Variants in SHROOM4 observed in about 807,000 individuals in gnomAD.
SHROOM4 encodes the protein protein Shroom4.
A neutral mutation model predicts 80.3 loss-of-function variants in SHROOM4; 17 were observed. The ratio of observed to expected loss-of-function variants is 0.21; its 90% CI spans 0.14 to 0.32. The LOEUF is 0.32. Ranked by LOEUF, SHROOM4 falls within the 10% of genes least tolerant of loss-of-function variation. SHROOM4 has a pLI of 1.00. For synonymous variants in SHROOM4, 400 were observed against 437.5 expected (o/e 0.91, Z 1.07); for missense variants, 993 against 1,140.3 (o/e 0.87, Z 1.86).
rs143252288 is a variant in SHROOM4, at chrX:50,603,902, C to T, written c.3762-1089G>A. ...CCGTGGTTTATGCTAGGGGGTGGCC[C>T]GCCCTCACTATATTCTCATTGCCTG... On this transcript the variant is annotated intron_variant, in intron 6 of 8. Coordinates refer to ENST00000376020, the MANE Select transcript of SHROOM4 (RefSeq NM_020717.5). Among the ~76,000 whole-genome samples the T allele has an allele frequency of 4.3e-3, 485 of 111,496 alleles. 1 individual carries two copies. Among genetic ancestry groups the T allele is most frequent in the African/African-American group, 0.014 (432 of 30,637 alleles).
At chrX:50,807,975 T>A (rs1936262951) in intron 1 of SHROOM4, among the ~76,000 whole-genome samples, 1 of 111,368 alleles carries the variant, frequency 9.0e-6, no homozygotes, top group Admixed American at 9.6e-5. Context: ...TGTGGTCAGA[T>A]TCTCCTCAGT....
rs946533308 is a variant in SHROOM4, at chrX:50,626,281, C to T, written c.2957+1333G>A. ...ACCAACCCTCAGTTATTTTTATCCTCCAATGAACTTAAATAGTGTACAGTA... is the reference window on the plus strand; with the variant it reads ...ACCAACCCTCAGTTATTTTTATCCTTCAATGAACTTAAATAGTGTACAGTA... On this transcript the variant is annotated intron_variant, in intron 5 of 8. Coordinates refer to ENST00000376020, the MANE Select transcript of SHROOM4 (RefSeq NM_020717.5). Among the ~76,000 whole-genome samples, 6 of 112,030 alleles carry T rather than the reference C, an allele frequency of 5.4e-5. No individual in the cohort carries two copies. In the East Asian group the frequency reaches 1.4e-3, roughly 26 times the overall value.
intron 2 of SHROOM4, among the ~76,000 whole-genome samples, chrX:50,650,561 T>C (rs1382096848): frequency 9.1e-6 from 1 of 109,587 alleles, no homozygotes; most frequent in Non-Finnish European, 1.9e-5. Context: ...GGTTTCACCA[T>C]GTTGGCTAGG....
Position 50,765,084 on chromosome X carries a change from C to T in SHROOM4, c.117+48818G>A, listed in dbSNP as rs191628007. 2.5e-4 allele frequency among the ~76,000 whole-genome samples: 28 copies of T among 111,677 alleles called. 1 individual carries two copies. The Middle Eastern group carries it at 0.018, about 73-fold the overall frequency. On this transcript the variant is annotated intron_variant, in intron 1 of 8. Coordinates refer to ENST00000376020, the MANE Select transcript of SHROOM4 (RefSeq NM_020717.5). ...TCAGCTCCCATGATTCAACTACCTC[C>T]CACTAGGTCCCTCCCATGACACATG...
At chrX:50,795,133 T>TATATATG (rs1935968111) in intron 1 of SHROOM4, among the ~76,000 whole-genome samples, 2 of 2,958 alleles carry the variant, frequency 6.8e-4, no homozygotes, top group African/African-American at 1.0e-3. Context: ...ATATGATATA[T>TATATATG]ATATATATAT....
At chrX:50,781,082 A>AAG (rs1176214353) in intron 1 of SHROOM4, among the ~76,000 whole-genome samples, 2 of 110,803 alleles carry the variant, frequency 1.8e-5, no homozygotes, top group African/African-American at 6.6e-5. Flanking sequence ...CCAGCTAAAG[A>AAG]AGAGAGAGAG....
At chrX:50,779,680 G>A (rs1186382496) in intron 1 of SHROOM4, among the ~76,000 whole-genome samples, 4 of 111,772 alleles carry the variant, frequency 3.6e-5, no homozygotes, top group African/African-American at 1.3e-4. Flanking sequence ...GCAGGAAGAA[G>A]AAGAGAGTCT....
intron 5 of SHROOM4, among the ~76,000 whole-genome samples, chrX:50,619,488 C>T (rs782740168): frequency 1.1e-5 from 1 of 87,606 alleles, no homozygotes; most frequent in South Asian, 5.9e-4. Flanking sequence ...TTGCTGCCAC[C>T]CCTGCTTGCC....
chrX:50,783,341 A>G, intron 1 of SHROOM4, among the ~76,000 whole-genome samples: 1 of 112,182 alleles, frequency 8.9e-6, no homozygotes, highest in Non-Finnish European at 1.9e-5. Flanking sequence ...CAAAAATATG[A>G]AAGTACTTAG....
intron 5 of SHROOM4, among the ~76,000 whole-genome samples, chrX:50,611,336 G>C (rs1428990685): frequency 9.2e-6 from 1 of 108,439 alleles, no homozygotes; most frequent in Non-Finnish European, 1.9e-5. Context: ...ATTTTTAGTA[G>C]AGACGGGGTT....
chrX:50,668,208 G>A (rs1227272617), intron 2 of SHROOM4, among the ~76,000 whole-genome samples: 2 of 112,031 alleles, frequency 1.8e-5, no homozygotes, highest in African/African-American at 6.5e-5. Flanking sequence ...TCCGCTCCCC[G>A]CTTGGCGGTA....
chrX:50,627,780 C>G, intron 4 of SHROOM4, 105 bp from the exon 5 acceptor site: 1 of 650,845 alleles, frequency 1.5e-6, no homozygotes, highest in South Asian at 2.3e-5. Flanking sequence ...CCCAGCCCCC[C>G]AGCTTGTTTC....
At chrX:50,687,968 C>T (rs1298745975) in intron 2 of SHROOM4, among the ~76,000 whole-genome samples, 3 of 109,227 alleles carry the variant, frequency 2.7e-5, no homozygotes, top group South Asian at 3.9e-4. Flanking sequence ...GTGCTGAGAA[C>T]GCAACAATGA....
intron 1 of SHROOM4, among the ~76,000 whole-genome samples, chrX:50,729,872 A>G (rs1934329305): frequency 9.0e-6 from 1 of 111,509 alleles, no homozygotes; most frequent in African/African-American, 3.3e-5. Flanking sequence ...AAATACATCA[A>G]CCAAGTATCA....
At chrX:50,651,945 G>C (rs986813061) in intron 2 of SHROOM4, among the ~76,000 whole-genome samples, 14 of 111,632 alleles carry the variant, frequency 1.3e-4, no homozygotes, top group African/African-American at 3.6e-4. Context: ...GTATTCCATG[G>C]TGTATATGTG....
rs781848600 is a variant in SHROOM4, at chrX:50,588,825, T to C, written c.*7870A>G. On this transcript the variant is annotated 3_prime_UTR_variant, in exon 9 of 9. Transcript: ENST00000376020. ...GCTTCATGTGAATTATCTCATTTAA[T>C]CAACATAGTAACACTTTGAGGTGGG... 1.7e-4 allele frequency among the ~76,000 whole-genome samples: 19 copies of C among 112,609 alleles called. No homozygotes were observed. The highest frequency in any genetic ancestry group is 5.8e-4 in the African/African-American group (18 of 31,064).
intron 1 of SHROOM4, among the ~76,000 whole-genome samples, chrX:50,750,348 C>T (rs1056745320): frequency 1.8e-5 from 2 of 111,937 alleles, no homozygotes; most frequent in African/African-American, 3.3e-5. Flanking sequence ...CAACCTTCGC[C>T]GCCTGGGTTC....
At chrX:50,697,538 A>G (rs1557263156) in intron 1 of SHROOM4, among the ~76,000 whole-genome samples, 2 of 112,099 alleles carry the variant, frequency 1.8e-5, no homozygotes, top group Admixed American at 1.9e-4. Flanking sequence ...CTTCTGAGTT[A>G]AATCACAGAA....
chrX:50,779,367 G>T (rs1935576582), intron 1 of SHROOM4, among the ~76,000 whole-genome samples: 1 of 112,249 alleles, frequency 8.9e-6, no homozygotes, highest in Non-Finnish European at 1.9e-5. Flanking sequence ...TTGATGGTTT[G>T]ACTATTTTGG....
Sources: allele counts gnomAD v4.1 joint callset (sites outside exome capture counted in the v4.1 genomes callset), GRCh38; gene constraint gnomAD v4.1.1; transcripts MANE v1.5; gene names NCBI Gene and HGNC (gene_info 2026-07-23, HGNC 2026-07-21).